Variants in DPF3 observed in about 807,000 individuals in gnomAD.
DPF3 encodes zinc finger protein DPF3.
DPF3 carries 18 observed loss-of-function variants against 56.8 expected under a neutral mutation model. The ratio of observed to expected loss-of-function variants is 0.32; its 90% CI spans 0.22 to 0.47. The LOEUF is 0.47. Among genes scored for constraint, DPF3 ranks in the 20% least tolerant of loss-of-function variants. The probability of loss-of-function intolerance (pLI) is 1.00; values close to 1 mark genes in which losing one functional copy is unlikely to be tolerated. For missense variants in DPF3, 403 were observed against 488.8 expected, an observed-to-expected ratio of 0.82 and a Z score of 1.65; for synonymous variants, 188 against 180.2, an observed-to-expected ratio of 1.04 and a Z score of -0.35.
chr14:72,756,520 G>C (rs546827288), intron 2 of DPF3, among the ~76,000 whole-genome samples: 18 of 152,144 alleles, frequency 1.2e-4, no homozygotes, highest in Middle Eastern at 3.2e-3. Context: ...AGAGAAAAGA[G>C]AGGGAAGAGT....
In DPF3 at chr14:72,671,220, C is replaced by G. The variant is rs1886660226; in HGVS notation, c.871+3020G>C. On this transcript the variant is annotated intron_variant, in intron 8 of 10. Transcript: ENST00000556509. ...AGGAGCGAGGCTCTTCCAAATCGTC[C>G]TCATCAAAGCCGTGGAAAGTTGACG... 2 of 1,613,866 alleles carry G rather than the reference C, an allele frequency of 1.2e-6. No individual in the cohort carries two copies. The highest frequency in any genetic ancestry group is 3.3e-5 in the Admixed American group (2 of 60,008).
chr14:72,797,516 T>C (rs1892692315), intron 1 of DPF3, among the ~76,000 whole-genome samples: 1 of 152,192 alleles, frequency 6.6e-6, no homozygotes, highest in African/African-American at 2.4e-5. Flanking sequence ...GAATAAAGTA[T>C]TGAACTGATA....
intron 1 of DPF3, among the ~76,000 whole-genome samples, chr14:72,838,926 T>A (rs970461470): frequency 8.3e-6 from 1 of 119,958 alleles, no homozygotes; most frequent in African/African-American, 3.4e-5. Flanking sequence ...TTTTTTTTTT[T>A]TTTTTTTTTT....
chr14:72,637,174 A>G (rs2153567534), intron 8 of DPF3, among the ~76,000 whole-genome samples: 1 of 152,300 alleles, frequency 6.6e-6, no homozygotes. Flanking sequence ...CCATTCTCAA[A>G]TGGTCCTAGA....
intron 7 of DPF3, among the ~76,000 whole-genome samples, chr14:72,677,685 C>T (rs142009900): frequency 9.2e-5 from 14 of 152,196 alleles, no homozygotes; most frequent in South Asian, 2.1e-4. Context: ...CTGGGAGCAC[C>T]GGATATCATT....
At chr14:72,771,166 CA>C (rs57784890) in intron 2 of DPF3, among the ~76,000 whole-genome samples, 69,958 of 142,176 alleles carry the variant, frequency 0.49, 18,682 homozygotes, top group Non-Finnish European at 0.61. Flanking sequence ...GAGTCCATCT[CA>C]AAAAAAAAAA....
intron 3 of DPF3, among the ~76,000 whole-genome samples, chr14:72,734,194 A>C (rs1481126841): frequency 6.6e-6 from 1 of 152,234 alleles, no homozygotes; most frequent in Non-Finnish European, 1.5e-5. Context: ...GCAAAATACA[A>C]AATCAAAATG....
At chr14:72,712,318 G>A (rs1888690263) in intron 6 of DPF3, among the ~76,000 whole-genome samples, 1 of 152,190 alleles carries the variant, frequency 6.6e-6, no homozygotes, top group Non-Finnish European at 1.5e-5. Flanking sequence ...GCAGAAAGAG[G>A]GGTGCCCAGT....
intron 6 of DPF3, among the ~76,000 whole-genome samples, chr14:72,698,759 G>A (rs942764568): frequency 6.6e-5 from 10 of 152,172 alleles, no homozygotes; most frequent in African/African-American, 2.4e-4. Flanking sequence ...ATGCATTTTC[G>A]ACTTAGGATA....
At chr14:72,679,941 C>T (rs1225205306) in intron 7 of DPF3, among the ~76,000 whole-genome samples, 1 of 152,200 alleles carries the variant, frequency 6.6e-6, no homozygotes, top group Non-Finnish European at 1.5e-5. Flanking sequence ...ACGTGCCTTC[C>T]CTGCAGAATC....
At chr14:72,791,899 A>G (rs1483748801) in intron 1 of DPF3, among the ~76,000 whole-genome samples, 1 of 152,162 alleles carries the variant, frequency 6.6e-6, no homozygotes, top group African/African-American at 2.4e-5. Context: ...ACAGACTCGA[A>G]CCTAGTCCAG....
chr14:72,816,235 G>A (rs1373515372), intron 1 of DPF3, among the ~76,000 whole-genome samples: 1 of 152,148 alleles, frequency 6.6e-6, no homozygotes, highest in African/African-American at 2.4e-5. Flanking sequence ...AGAACCCTGG[G>A]CCTCCCCACC....
intron 3 of DPF3, among the ~76,000 whole-genome samples, chr14:72,751,981 C>T (rs1302618658): frequency 6.6e-6 from 1 of 152,174 alleles, no homozygotes; most frequent in Non-Finnish European, 1.5e-5. Context: ...AAGAATCTGG[C>T]ACCCACTCAC....
intron 1 of DPF3, among the ~76,000 whole-genome samples, chr14:72,804,691 G>C (rs2140007004): frequency 6.6e-6 from 1 of 152,290 alleles, no homozygotes; most frequent in South Asian, 2.1e-4. Flanking sequence ...GCCACTGCTA[G>C]GGTATGACAC....
chr14:72,619,278 CATTCTGT>C lies in DPF3; in HGVS notation c.*12_*18del. The C allele has an allele frequency of 6.5e-7, 1 of 1,535,844 alleles. No individual in the cohort carries two copies. Among genetic ancestry groups the C allele is most frequent in the Non-Finnish European group, 8.7e-7 (1 of 1,146,746 alleles). On this transcript the variant is annotated 3_prime_UTR_variant, in exon 11 of 11. Transcript: ENST00000556509. ...CTTTAGGATCTCCAGCAGCGAGTCACATTCTGTGACCTGGGGCCCTAGGCCTGGCAGC... is the reference window on the plus strand; with the variant it reads ...CTTTAGGATCTCCAGCAGCGAGTCACGACCTGGGGCCCTAGGCCTGGCAGC...
intron 7 of DPF3, among the ~76,000 whole-genome samples, chr14:72,690,104 G>A (rs1015346390): frequency 6.6e-6 from 1 of 152,166 alleles, no homozygotes; most frequent in Admixed American, 6.5e-5. Context: ...GAGTTGGAGT[G>A]TGTGCCACTC....
intron 1 of DPF3, among the ~76,000 whole-genome samples, chr14:72,807,471 G>C (rs1374977136): frequency 1.3e-5 from 2 of 152,124 alleles, no homozygotes; most frequent in Admixed American, 6.5e-5. Context: ...CTGCCCCTTT[G>C]ACTCGGCTAG....
intron 8 of DPF3, among the ~76,000 whole-genome samples, chr14:72,642,605 G>A (rs1024942939): frequency 2.0e-5 from 3 of 152,174 alleles, no homozygotes; most frequent in Non-Finnish European, 2.9e-5. Flanking sequence ...ATCTGCCTTC[G>A]GTTTCCTGGG....
At chr14:72,713,080 G>GA (rs1180106668) in intron 6 of DPF3, among the ~76,000 whole-genome samples, 1 of 152,226 alleles carries the variant, frequency 6.6e-6, no homozygotes, top group Non-Finnish European at 1.5e-5. Flanking sequence ...GTATCAGAGT[G>GA]AAACTGAACG....
Sources: allele counts gnomAD v4.1 joint callset (sites outside exome capture counted in the v4.1 genomes callset), GRCh38; gene constraint gnomAD v4.1.1; transcripts MANE v1.5; gene names NCBI Gene and HGNC (gene_info 2026-07-23, HGNC 2026-07-21).